SSBP2: variants seen among roughly 807,000 people sequenced by gnomAD.
The protein encoded by SSBP2 is single-stranded DNA-binding protein 2.
SSBP2 carries 17 observed loss-of-function variants against 61.8 expected under a neutral mutation model. That is an observed-to-expected ratio of 0.28 (90% CI 0.19 to 0.41). SSBP2 has a LOEUF of 0.41. SSBP2 is among the 10% of genes least tolerant of loss of function. SSBP2 has a pLI of 1.00. For missense variants in SSBP2, 310 were observed against 458.7 expected (o/e 0.68, Z 2.96); for synonymous variants, 139 against 141.3 (o/e 0.98, Z 0.12).
intron 2 of SSBP2, among the ~76,000 whole-genome samples, chr5:81,639,863 C>G (rs2153684283): frequency 6.6e-6 from 1 of 152,124 alleles, no homozygotes; most frequent in South Asian, 2.1e-4. Context: ...AAAACAGGAA[C>G]TCAGAAAGTG....
chr5:81,593,768 A>C (rs568764909), intron 4 of SSBP2, among the ~76,000 whole-genome samples: 31 of 152,324 alleles, frequency 2.0e-4, no homozygotes, highest in Admixed American at 5.9e-4. Context: ...GAGAAATAAA[A>C]TCCTTTACAG....
chr5:81,611,196 T>A (rs1482095367), intron 4 of SSBP2, among the ~76,000 whole-genome samples: 6 of 152,206 alleles, frequency 3.9e-5, no homozygotes, highest in Non-Finnish European at 8.8e-5. Context: ...CTAATCTCAG[T>A]TGTCAACCCC....
chr5:81,652,943 CTTTT>C (rs780568774), intron 1 of SSBP2, among the ~76,000 whole-genome samples: 4 of 144,620 alleles, frequency 2.8e-5, no homozygotes, highest in African/African-American at 7.6e-5. Context: ...CACTGTATCA[CTTTT>C]TTTTTTTTCA....
At chr5:81,421,794 G>T (rs1038110762) in intron 16 of SSBP2, among the ~76,000 whole-genome samples, 2 of 152,106 alleles carry the variant, frequency 1.3e-5, no homozygotes, top group African/African-American at 4.8e-5. Flanking sequence ...CAACTTGGAG[G>T]TCACTAGCCA....
chr5:81,616,664 A>T (rs1335056214), intron 3 of SSBP2: 3 of 141,344 alleles, frequency 2.1e-5, no homozygotes, highest in African/African-American at 8.0e-5. Flanking sequence ...CAGACAAACA[A>T]AAAGACAGCA....
chr5:81,717,957 T>C (rs1755277627), intron 1 of SSBP2, among the ~76,000 whole-genome samples: 1 of 152,130 alleles, frequency 6.6e-6, no homozygotes, highest in Admixed American at 6.5e-5. Flanking sequence ...GTTGTCAATA[T>C]ACAGCTGACG....
intron 16 of SSBP2, among the ~76,000 whole-genome samples, chr5:81,425,480 T>C (rs746994302): frequency 3.3e-5 from 5 of 152,212 alleles, no homozygotes; most frequent in Non-Finnish European, 7.3e-5. Context: ...TCCTATTTGA[T>C]GCCATTATTT....
intron 1 of SSBP2, among the ~76,000 whole-genome samples, chr5:81,725,407 C>A (rs1023729946): frequency 6.6e-6 from 1 of 152,056 alleles, no homozygotes; most frequent in African/African-American, 2.4e-5. Context: ...ACTATGTACT[C>A]CTAGTGAGAA....
rs573210658 is a variant in SSBP2, at chr5:81,558,850, T to C, written c.283-45133A>G. ...AGAGTAGTACTGTCTATATTTACTATGGCTTGTCAGAATAGAACATCTGAT... is the reference window on the plus strand; with the variant it reads ...AGAGTAGTACTGTCTATATTTACTACGGCTTGTCAGAATAGAACATCTGAT... On this transcript the variant is annotated intron_variant, in intron 4 of 16. Coordinates refer to ENST00000320672, the MANE Select transcript of SSBP2 (RefSeq NM_012446.5). Among the ~76,000 whole-genome samples, 21 of 152,362 alleles carry C rather than the reference T, an allele frequency of 1.4e-4. No individual in the cohort carries two copies. The East Asian group carries it at 3.7e-3, about 27-fold the overall frequency.
chr5:81,482,277 C>T (rs1766049606), intron 6 of SSBP2, among the ~76,000 whole-genome samples: 1 of 152,034 alleles, frequency 6.6e-6, no homozygotes, highest in African/African-American at 2.4e-5. Flanking sequence ...AAGGATTTTT[C>T]AGAATGGTAC....
intron 1 of SSBP2, among the ~76,000 whole-genome samples, chr5:81,741,430 T>A (rs1757017638): frequency 1.3e-5 from 2 of 152,190 alleles, no homozygotes; most frequent in South Asian, 2.1e-4. Flanking sequence ...TACCATAATG[T>A]GAACGTACTT....
chr5:81,702,891 A>T (rs1394286381), intron 1 of SSBP2, among the ~76,000 whole-genome samples: 1 of 152,208 alleles, frequency 6.6e-6, no homozygotes, highest in Non-Finnish European at 1.5e-5. Context: ...CAGCACAGTA[A>T]AAGAACTCTG....
intron 4 of SSBP2, among the ~76,000 whole-genome samples, chr5:81,556,856 G>T (rs750911274): frequency 6.6e-6 from 1 of 152,062 alleles, no homozygotes; most frequent in Non-Finnish European, 1.5e-5. Context: ...TAACAATTCT[G>T]CAGGTATCTA....
chr5:81,691,998 A>C (rs1753238579), intron 1 of SSBP2, among the ~76,000 whole-genome samples: 1 of 152,200 alleles, frequency 6.6e-6, no homozygotes, highest in Non-Finnish European at 1.5e-5. Context: ...CAGTACTGGA[A>C]GTTCCAGCTA....
At chr5:81,481,015 T>C (rs6452415) in intron 6 of SSBP2, among the ~76,000 whole-genome samples, 67,631 of 152,086 alleles carry the variant, frequency 0.44, 18,959 homozygotes, top group African/African-American at 0.8. Flanking sequence ...AGTTTTATTA[T>C]GAGAGTGTGG....
intron 4 of SSBP2, among the ~76,000 whole-genome samples, chr5:81,569,506 A>G (rs1282531886): frequency 6.6e-6 from 1 of 152,206 alleles, no homozygotes; most frequent in Non-Finnish European, 1.5e-5. Context: ...ATGACATTAC[A>G]AAGCAAAATA....
At chr5:81,590,432 T>C (rs572169450) in intron 4 of SSBP2, among the ~76,000 whole-genome samples, 1 of 152,348 alleles carries the variant, frequency 6.6e-6, no homozygotes, top group South Asian at 2.1e-4. Context: ...TCTTTAACTC[T>C]ATCAAAGAGC....
chr5:81,645,823 A>G (rs1430826726), intron 2 of SSBP2, among the ~76,000 whole-genome samples: 1 of 152,188 alleles, frequency 6.6e-6, no homozygotes, highest in Non-Finnish European at 1.5e-5. Context: ...AAGTCACATA[A>G]ACTACATTTT....
In SSBP2 at chr5:81,450,705, T is replaced by C. The variant is rs1015771014; in HGVS notation, c.688-1880A>G. Among the ~76,000 whole-genome samples, 125 of 152,336 alleles carry C rather than the reference T, an allele frequency of 8.2e-4. 1 individual carries two copies. The highest frequency in any genetic ancestry group is 1.9e-4 in the East Asian group (1 of 5,182). ...GCATCACAATTCCACCATGTTTACT[T>C]AGCACATTATTTCTCTATTAGTTTA... is the stretch of plus-strand genomic sequence containing the variant. On this transcript the variant is annotated intron_variant, in intron 10 of 16. Coordinates refer to ENST00000320672, the MANE Select transcript of SSBP2 (RefSeq NM_012446.5).
Sources: gnomAD v4.1 joint callset for allele counts (sites outside exome capture counted in the v4.1 genomes callset) on GRCh38, gnomAD v4.1.1 for gene constraint, MANE v1.5 for transcripts, NCBI Gene and HGNC (gene_info 2026-07-23, HGNC 2026-07-21) for gene names.